Variants in ZC3HC1 observed in about 807,000 individuals in gnomAD.
ZC3HC1 encodes zinc finger C3HC-type protein 1.
Under a neutral mutation model 61.9 loss-of-function variants are expected in ZC3HC1, and 38 were observed. That is an observed-to-expected ratio of 0.61 (90% CI 0.47 to 0.81). The LOEUF (loss-of-function observed/expected upper bound fraction) is 0.81. ZC3HC1 is among the 30% of genes least tolerant of loss of function. The probability of loss-of-function intolerance (pLI) is 0.00; values close to 1 mark genes in which losing one functional copy is unlikely to be tolerated. For missense variants in ZC3HC1, 554 were observed against 622.7 expected (o/e 0.89, Z 1.17); for synonymous variants, 213 against 229.9 (o/e 0.93, Z 0.67).
chr7:130,019,355 G>T (rs1256068681), intron 9 of ZC3HC1, among the ~76,000 whole-genome samples: 1 of 151,892 alleles, frequency 6.6e-6, no homozygotes, highest in Non-Finnish European at 1.5e-5. Context: ...GGCCTGCACT[G>T]GTTTTTCATT....
At chr7:130,036,113 GT>G (rs113457368) in intron 4 of ZC3HC1, among the ~76,000 whole-genome samples, 1,780 of 140,954 alleles carry the variant, frequency 0.013, 42 homozygotes, top group African/African-American at 0.041. Flanking sequence ...TAATATGCCT[GT>G]TTTTTTTTTT....
rs547290209 is a variant in ZC3HC1 at position 130,029,141 on chromosome 7, C to T, written c.494-112G>A. ...ATCCCAGCACTTTGGAAGGCCGAGG[C>T]GGGCGGATCACCTGAGGTCAGGAGT... is the stretch of plus-strand genomic sequence containing the variant. On this transcript the variant is annotated intron_variant, in intron 4 of 9. Coordinates refer to ENST00000358303, the MANE Select transcript of ZC3HC1 (RefSeq NM_016478.5). The T allele has an allele frequency of 1.6e-4, 191 of 1,224,792 alleles. No individual in the cohort carries two copies. The African/African-American group carries it at 2.7e-3, about 17-fold the overall frequency. 75.9% of individuals were successfully genotyped at this position (1,224,792 alleles called of 1,614,324 possible). A position where few individuals can be genotyped will look rare whatever the true frequency, so the allele number is the denominator to read the frequency against.
chr7:130,022,190 C>CA (rs573844896), intron 9 of ZC3HC1, 129 bp downstream of exon 9: 6 of 1,243,946 alleles, frequency 4.8e-6, no homozygotes, highest in South Asian at 2.6e-5. Flanking sequence ...AACAAACAAA[C>CA]AAAAAAACCC....
intron 2 of ZC3HC1, 106 bp from the exon 3 acceptor site, chr7:130,041,207 A>G: frequency 7.6e-7 from 1 of 1,312,782 alleles, no homozygotes; most frequent in Non-Finnish European, 1.0e-6. Flanking sequence ...TTTGTTTTTG[A>G]GAAAAGTTCT....
At chr7:130,050,570 G>A in intron 1 of ZC3HC1, 2 of 1,294,234 alleles carry the variant, frequency 1.5e-6, no homozygotes. Context: ...ACAAGATTTA[G>A]CATTTTCTTC....
chr7:130,024,666 T>A (rs1793809546), intron 6 of ZC3HC1, among the ~76,000 whole-genome samples, 160 bp from the exon 7 acceptor site: 1 of 152,128 alleles, frequency 6.6e-6, no homozygotes, highest in Non-Finnish European at 1.5e-5. Context: ...GCTTCATACT[T>A]CATCATCTCT....
At chr7:130,041,189 G>GC in intron 2 of ZC3HC1, 88 bp from the exon 3 acceptor site, 1 of 1,090,396 alleles carries the variant, frequency 9.2e-7, no homozygotes, top group Non-Finnish European at 1.2e-6. Context: ...TACACATACT[G>GC]TTTTTTTTTT....
chr7:130,045,204 C>T (rs1794815299), intron 2 of ZC3HC1: 1 of 177,932 alleles, frequency 5.6e-6, no homozygotes. Context: ...TAAGACATCA[C>T]TTTGGTGGCT....
chr7:130,023,738 A>G lies in ZC3HC1; in HGVS notation c.1021-15T>C. 1 of 1,585,948 alleles carries G rather than the reference A, an allele frequency of 6.3e-7. No individual in the cohort carries two copies. The highest frequency in any genetic ancestry group is 1.1e-5 in the South Asian group (1 of 90,182). ...CTCTTTTCAGCCTGAAGGAAAGGGG[A>G]GATAATGGAAGTACACGAATGATAT... On this transcript the variant is annotated splice_polypyrimidine_tract_variant and intron_variant, in intron 7 of 9. Coordinates refer to ENST00000358303, the MANE Select transcript of ZC3HC1 (RefSeq NM_016478.5). The surrounding 1 kb of genome is among the most constrained non-coding windows in gnomAD (Gnocchi z 4.2).
intron 3 of ZC3HC1, 25 bp from the exon 4 acceptor site, chr7:130,039,572 C>A (rs561478783): frequency 2.5e-6 from 4 of 1,580,470 alleles, no homozygotes; most frequent in African/African-American, 1.4e-5. Flanking sequence ...AACAGCAACA[C>A]CTTAAAAAAC....
At position 130,025,729 on chromosome 7, in the gene ZC3HC1, G is replaced by A. The variant is rs536546237; in HGVS notation, c.776+429C>T. ...CAAAAATACAAAAAATTAGCTGGGC[G>A]TGTGGCAGGCACCTATAGTCCCAGC... On this transcript the variant is annotated intron_variant, in intron 6 of 9. Coordinates refer to ENST00000358303, the MANE Select transcript of ZC3HC1 (RefSeq NM_016478.5). 2.0e-3 allele frequency among the ~76,000 whole-genome samples: 297 copies of A among 151,812 alleles called. 2 individuals carry two copies. The highest frequency in any genetic ancestry group is 6.7e-3 in the African/African-American group (277 of 41,392).
At chr7:130,042,807 C>T (rs986666325) in intron 2 of ZC3HC1, among the ~76,000 whole-genome samples, 51 of 152,100 alleles carry the variant, frequency 3.4e-4, no homozygotes, top group African/African-American at 1.2e-3. Flanking sequence ...CTCAGCCTCC[C>T]GAGTAGCTGG....
intron 1 of ZC3HC1, chr7:130,050,562 A>T: frequency 7.5e-7 from 1 of 1,327,318 alleles, no homozygotes; most frequent in Non-Finnish European, 9.9e-7. Flanking sequence ...TCTAAATGAC[A>T]AGATTTAGCA....
Position 130,042,142 on chromosome 7 carries a change from AAAATCAAAAAATTAGC to A in ZC3HC1, c.259-1057_259-1042del, listed in dbSNP as rs1399223440. 2.6e-5 allele frequency among the ~76,000 whole-genome samples: 4 copies of A among 151,962 alleles called. No individual in the cohort carries two copies. The East Asian group carries it at 5.9e-4, about 22-fold the overall frequency. On this transcript the variant is annotated intron_variant, in intron 2 of 9. Coordinates refer to ENST00000358303, the MANE Select transcript of ZC3HC1 (RefSeq NM_016478.5). ...ACACGGCGACACCTCATCTCTATTG[AAAATCAAAAAATTAGC>A]GGGATGTGGTGGTGCATGCCTGTAG... is the stretch of plus-strand genomic sequence containing the variant.
At chr7:130,049,416 C>T (rs1794988147) in intron 1 of ZC3HC1, among the ~76,000 whole-genome samples, 1 of 152,190 alleles carries the variant, frequency 6.6e-6, no homozygotes, top group African/African-American at 2.4e-5. Flanking sequence ...CAGGGCTCCA[C>T]TAATCCTAGC....
At chr7:130,035,199 G>A (rs1349497179) in intron 4 of ZC3HC1, among the ~76,000 whole-genome samples, 1 of 152,014 alleles carries the variant, frequency 6.6e-6, no homozygotes, top group Non-Finnish European at 1.5e-5. Context: ...AGACCAGCCT[G>A]GCTAATATGG....
rs200857556 is a variant in ZC3HC1 at position 130,041,062 on chromosome 7, G to A, written c.298C>T (p.Leu100Phe). The A allele has an allele frequency of 3.0e-5, 48 of 1,613,896 alleles. No homozygotes were observed. In the East Asian group the frequency reaches 1.1e-3, roughly 36 times the overall value. Residue 100 changes from leucine (L) to phenylalanine (F), a missense_variant, in exon 3 of 10, where the codon CTC becomes TTC. Transcript: ENST00000358303. The part of the protein sequence containing the change: ...WAGKPFELSP[L>F]VCAKYGWVTV... Reference sequence around the variant, plus strand: ...ACCCAGCCATATTTTGCACAGACGAGTGGAGACAGCTCAAAGGGCTTACCT... The same window carrying A: ...ACCCAGCCATATTTTGCACAGACGAATGGAGACAGCTCAAAGGGCTTACCT...
At chr7:130,043,575 A>C (rs1794759535) in intron 2 of ZC3HC1, 2 of 184,866 alleles carry the variant, frequency 1.1e-5, no homozygotes, top group Admixed American at 1.1e-4. Context: ...TAAATATTTT[A>C]TCAAAATCAA....
intron 1 of ZC3HC1, 138 bp from the exon 2 acceptor site, chr7:130,049,282 T>C: frequency 3.9e-6 from 2 of 519,432 alleles, no homozygotes; most frequent in Admixed American, 8.2e-5. Flanking sequence ...TTTACTCATG[T>C]CATTCCTCAG....
Sources: allele counts gnomAD v4.1 joint callset (sites outside exome capture counted in the v4.1 genomes callset), GRCh38; gene constraint gnomAD v4.1.1; non-coding constraint Gnocchi (gnomAD v3.1); transcripts MANE v1.5; gene names NCBI Gene and HGNC (gene_info 2026-07-23, HGNC 2026-07-21).